Variants in SCOC observed in about 807,000 individuals in gnomAD.
SCOC encodes short coiled-coil protein.
SCOC carries 7 observed loss-of-function variants against 9.9 expected under a neutral mutation model. The observed-to-expected ratio is 0.71, with a 90% confidence interval of 0.40 to 1.33. SCOC has a LOEUF of 1.33. Among genes scored for constraint, SCOC ranks in the 40% most tolerant of loss-of-function variants. The probability of loss-of-function intolerance (pLI) is 0.01; values close to 1 mark genes in which losing one functional copy is unlikely to be tolerated. For missense variants in SCOC, 66 were observed against 89.7 expected (o/e 0.74, Z 1.07); for synonymous variants, 19 against 28.2 (o/e 0.67, Z 1.03).
chr4:140,282,700 T>C (rs1731129406), intron 1 of SCOC, among the ~76,000 whole-genome samples: 1 of 152,234 alleles, frequency 6.6e-6, no homozygotes, highest in Non-Finnish European at 1.5e-5. Flanking sequence ...TGTGTGTTCT[T>C]AGAAAATGGC....
intron 2 of SCOC, among the ~76,000 whole-genome samples, chr4:140,355,310 A>C (rs1157139846): frequency 6.6e-6 from 1 of 150,538 alleles, no homozygotes; most frequent in Non-Finnish European, 1.5e-5. Context: ...TCTTAGGTGC[A>C]TAATGATAAT....
chr4:140,364,004 C>T (rs989635060), intron 2 of SCOC, among the ~76,000 whole-genome samples: 1 of 151,764 alleles, frequency 6.6e-6, no homozygotes. Flanking sequence ...CTGTGGTTGC[C>T]CACCGTTTCA....
At chr4:140,338,297 C>A (rs1262799411) in intron 1 of SCOC, among the ~76,000 whole-genome samples, 1 of 152,130 alleles carries the variant, frequency 6.6e-6, no homozygotes, top group African/African-American at 2.4e-5. Context: ...TGGGACGTAT[C>A]TCAAAATAAT....
intron 1 of SCOC, among the ~76,000 whole-genome samples, chr4:140,324,364 C>T (rs1321618133): frequency 3.3e-5 from 5 of 151,892 alleles, no homozygotes; most frequent in Non-Finnish European, 4.4e-5. Flanking sequence ...GTGAAATAAG[C>T]CAAGAAAAAC....
chr4:140,370,773 A>C (rs1728018807), upstream of SCOC, among the ~76,000 whole-genome samples: 1 of 152,202 alleles, frequency 6.6e-6, no homozygotes, highest in African/African-American at 2.4e-5. Context: ...TTATTAGTGA[A>C]GGTAAACATT....
chr4:140,364,033 T>C (rs1343933560), intron 2 of SCOC, among the ~76,000 whole-genome samples: 3 of 152,032 alleles, frequency 2.0e-5, no homozygotes, highest in African/African-American at 7.2e-5. Flanking sequence ...GAATTCAGCT[T>C]AAGAAAGATT....
At chr4:140,307,226 A>G (rs1280920364) in intron 1 of SCOC, among the ~76,000 whole-genome samples, 1 of 152,154 alleles carries the variant, frequency 6.6e-6, no homozygotes, top group Non-Finnish European at 1.5e-5. Context: ...TACTCAGTCT[A>G]AGGTATTTTA....
intron 1 of SCOC, among the ~76,000 whole-genome samples, chr4:140,337,085 T>C (rs1401572140): frequency 6.6e-6 from 1 of 152,190 alleles, no homozygotes; most frequent in Non-Finnish European, 1.5e-5. Flanking sequence ...TTAAAAATTG[T>C]GTTGTCTTTT....
chr4:140,295,460 T>C (rs1013191385), intron 1 of SCOC, among the ~76,000 whole-genome samples: 2 of 151,682 alleles, frequency 1.3e-5, no homozygotes, highest in African/African-American at 4.8e-5. Context: ...ATTGTTAGAG[T>C]TGGGCTGGCC....
chr4:140,344,603 T>G (rs1726641265), intron 2 of SCOC, among the ~76,000 whole-genome samples: 2 of 152,164 alleles, frequency 1.3e-5, no homozygotes, highest in African/African-American at 2.4e-5. Context: ...TGGCACTGCA[T>G]AAACATGCTG....
intron 1 of SCOC, among the ~76,000 whole-genome samples, chr4:140,268,799 G>A (rs1301081736): frequency 6.6e-6 from 1 of 152,196 alleles, no homozygotes; most frequent in African/African-American, 2.4e-5. Context: ...ACACAGATGA[G>A]GAGCACACCT....
upstream of SCOC, among the ~76,000 whole-genome samples, chr4:140,338,722 C>G (rs966301123): frequency 7.2e-4 from 110 of 152,002 alleles, 2 homozygotes; most frequent in Admixed American, 7.1e-3. Flanking sequence ...GAATAAAATA[C>G]CTAGGAATCC....
rs1403126057 is a variant in SCOC at position 140,355,224 on chromosome 4, TA to T, written c.70+11517del. ...TACATTATATTTTTATATATATATA[TA>T]TATATATATATATATATATATATAA... On this transcript the variant is annotated intron_variant, in intron 2 of 4. Coordinates refer to the SCOC transcript ENST00000338517. 2.9e-4 allele frequency among the ~76,000 whole-genome samples: 23 copies of T among 80,214 alleles called. 1 individual carries two copies. Among genetic ancestry groups the T allele is most frequent in the Admixed American group, 2.5e-3 (18 of 7,336 alleles). The allele number at this position is 80,214 out of a possible 152,430, so 52.6% of individuals were successfully genotyped here.
chr4:140,345,396 A>C (rs1726693124), intron 2 of SCOC, among the ~76,000 whole-genome samples: 1 of 152,184 alleles, frequency 6.6e-6, no homozygotes, highest in South Asian at 2.1e-4. Context: ...CCATATTTCA[A>C]AATGGTAAAT....
chr4:140,362,283 T>TCTCCTTCTCCTTCTCCTTCTCCTTCTC (rs200328713), intron 2 of SCOC, among the ~76,000 whole-genome samples: 5 of 17,366 alleles, frequency 2.9e-4, no homozygotes, highest in Non-Finnish European at 4.3e-4. Context: ...CCTTACTTCT[T>TCTCCTTCTCCTTCTCCTTCTCCTTCTC]CTTCTTCTTC....
At chr4:140,365,510 A>G (rs1727751878) in intron 2 of SCOC, among the ~76,000 whole-genome samples, 1 of 152,230 alleles carries the variant, frequency 6.6e-6, no homozygotes, top group Non-Finnish European at 1.5e-5. Context: ...CCATATAGAA[A>G]CATTCTAAGA....
At chr4:140,353,755 T>A (rs1312958505) in intron 2 of SCOC, among the ~76,000 whole-genome samples, 1 of 152,220 alleles carries the variant, frequency 6.6e-6, no homozygotes, top group Non-Finnish European at 1.5e-5. Context: ...GTAGCTCACA[T>A]GAATGGTCTG....
At chr4:140,270,968 C>T (rs968782702) in intron 1 of SCOC, among the ~76,000 whole-genome samples, 2 of 152,160 alleles carry the variant, frequency 1.3e-5, no homozygotes, top group Non-Finnish European at 2.9e-5. Context: ...GCTGGACCCC[C>T]CAAACCATGC....
chr4:140,344,974 C>T (rs1245744056), intron 2 of SCOC, among the ~76,000 whole-genome samples: 1 of 152,116 alleles, frequency 6.6e-6, no homozygotes, highest in African/African-American at 2.4e-5. Context: ...TACAGCGACT[C>T]TCTGACGCAC....
Sources: allele counts gnomAD v4.1 joint callset (sites outside exome capture counted in the v4.1 genomes callset), GRCh38; gene constraint gnomAD v4.1.1; transcripts MANE v1.5; gene names NCBI Gene and HGNC (gene_info 2026-07-23, HGNC 2026-07-21).